The following ABCA10 variants were observed in gnomAD, a reference collection of about 807,000 sequenced individuals.
ABCA10 encodes ATP binding cassette subfamily A member 10.
Under a neutral mutation model 187.5 loss-of-function variants are expected in ABCA10, and 169 were observed. The ratio of observed to expected loss-of-function variants is 0.90; its 90% confidence interval spans 0.80 to 1.02. The LOEUF (loss-of-function observed/expected upper bound fraction) is 1.02, where lower values mean the gene tolerates loss of function less well. Among genes scored for constraint, ABCA10 ranks in the 50% least tolerant of loss-of-function variants. The probability of loss-of-function intolerance (pLI) is 0.00; values close to 1 mark genes in which losing one functional copy is unlikely to be tolerated. For missense variants in ABCA10, 1,727 were observed against 1,812.4 expected (o/e 0.95, Z 0.86); for synonymous variants, 574 against 601.8 (o/e 0.95, Z 0.68).
At chr17:69,151,165 T>C (rs558289966) in intron 36 of ABCA10, among the ~76,000 whole-genome samples, 8 of 152,310 alleles carry the variant, frequency 5.3e-5, no homozygotes, top group Admixed American at 1.3e-4. Context: ...ACACATCAAC[T>C]ACATGAGCTT....
At chr17:69,169,169 A>T (rs2074277039) in intron 25 of ABCA10, among the ~76,000 whole-genome samples, 1 of 152,216 alleles carries the variant, frequency 6.6e-6, no homozygotes, top group Non-Finnish European at 1.5e-5. Flanking sequence ...CTGAACCTCA[A>T]AAGAACTGAA....
chr17:69,192,948 A>AC (rs2074472051), intron 15 of ABCA10, among the ~76,000 whole-genome samples, 162 bp downstream of exon 15: 1 of 152,198 alleles, frequency 6.6e-6, no homozygotes, highest in African/African-American at 2.4e-5. Flanking sequence ...GCAGGGTTAC[A>AC]CCCCATGTGA....
At chr17:69,236,613 GAAAAT>G (rs2074873346) in intron 1 of ABCA10, among the ~76,000 whole-genome samples, 1 of 152,136 alleles carries the variant, frequency 6.6e-6, no homozygotes, top group Non-Finnish European at 1.5e-5. Context: ...AAAAACTACA[GAAAAT>G]AATTAAAACA....
chr17:69,188,554 A>G (rs1361811928), intron 18 of ABCA10, among the ~76,000 whole-genome samples: 1 of 151,160 alleles, frequency 6.6e-6, no homozygotes, highest in East Asian at 1.9e-4. Flanking sequence ...TACATGGGTA[A>G]ACTGTGTGTC....
chr17:69,220,368 T>C (rs2074738982), intron 5 of ABCA10, among the ~76,000 whole-genome samples: 1 of 152,106 alleles, frequency 6.6e-6, no homozygotes, highest in South Asian at 2.1e-4. Context: ...ATAAATAGAC[T>C]GTAGATAAGG....
In ABCA10 at chr17:69,204,218, C is replaced by T. The variant is rs2074572513; in HGVS notation, c.1007-2550G>A. On this transcript the variant is annotated intron_variant, in intron 9 of 38. Transcript: ENST00000690296. ...ATAATTTCTACATCACAGACTCCTA[C>T]TATGCACCAGCTCTGCCAAACAATT... Among the ~76,000 whole-genome samples, 2 of 152,228 alleles carry T rather than the reference C, an allele frequency of 1.3e-5. 1 individual carries two copies.
At chr17:69,168,139 T>C (rs1363907705) in intron 25 of ABCA10, among the ~76,000 whole-genome samples, 1 of 152,162 alleles carries the variant, frequency 6.6e-6, no homozygotes, top group East Asian at 1.9e-4. Context: ...CTTACTTTAT[T>C]GTGAGAATAC....
intron 5 of ABCA10, among the ~76,000 whole-genome samples, chr17:69,220,319 C>T (rs529531424): frequency 1.3e-5 from 2 of 151,926 alleles, no homozygotes; most frequent in African/African-American, 2.4e-5. Context: ...GTGTATAGTG[C>T]GTTGGAGCAC....
rs544264673 is a variant in ABCA10, at chr17:69,152,463, G to A, written c.4155C>T (p.Thr1385=). The A allele has an allele frequency of 3.1e-6, 5 of 1,613,446 alleles. No homozygotes were observed. In the South Asian group the frequency reaches 3.3e-5, roughly 11 times the overall value. Residue 1385 remains threonine, a synonymous_variant, in exon 35 of 39, where the codon ACC becomes ACT. Transcript: ENST00000690296. ...GGGTGCCCCTCTCCTTGTTTTTAAC[G>A]GTAGCCTGAAGTATCTGCCTAAAGA... ...QQQMWQILQA[T]VKNKERGTLL...
At chr17:69,178,992 G>T (rs960529189) in intron 22 of ABCA10, 2 of 151,972 alleles carry the variant, frequency 1.3e-5, no homozygotes, top group Admixed American at 1.3e-4. Context: ...CATTAATTTT[G>T]TCTAGATTTA....
At chr17:69,187,999 T>C in intron 18 of ABCA10, 120 bp from the exon 19 acceptor site, 1 of 845,266 alleles carries the variant, frequency 1.2e-6, no homozygotes, top group Non-Finnish European at 1.8e-6. Flanking sequence ...GCTACTGATA[T>C]CCATAATCAA....
chr17:69,215,727 T>A (rs771085842), intron 8 of ABCA10, 88 bp downstream of exon 8: 47 of 1,214,062 alleles, frequency 3.9e-5, no homozygotes, highest in Non-Finnish European at 5.0e-5. Flanking sequence ...GAGTGGCTGA[T>A]TATTAAATTT....
chr17:69,240,126 T>C (rs866545872), intron 1 of ABCA10, among the ~76,000 whole-genome samples: 1 of 152,178 alleles, frequency 6.6e-6, no homozygotes, highest in African/African-American at 2.4e-5. Context: ...ATGTTCTGCA[T>C]TGTTTGATCA....
chr17:69,195,597 G>T, intron 11 of ABCA10, among the ~76,000 whole-genome samples: 2 of 77,252 alleles, frequency 2.6e-5, no homozygotes, highest in Non-Finnish European at 5.0e-5. Context: ...ATTCTTGGGT[G>T]TTTCTCAGAG....
At chr17:69,225,203 T>G in intron 3 of ABCA10, 122 bp downstream of exon 3, 38 of 1,090,364 alleles carry the variant, frequency 3.5e-5, no homozygotes, top group Non-Finnish European at 4.4e-5. Flanking sequence ...GCATATATAA[T>G]GAGAATCTTT....
At position 69,182,835 on chromosome 17, in the gene ABCA10, GAAA is replaced by G. The variant is rs60708995; in HGVS notation, c.2498-30_2498-28del. On this transcript the variant is annotated intron_variant, in intron 20 of 38. Coordinates refer to ENST00000690296, the MANE Select transcript of ABCA10 (RefSeq NM_001377321.1). Reference sequence around the variant, plus strand: ...TAACATAGTGGAAGGAAGGCAACAAGAAAAAAAAAAAAAAAGCAAGAAAATCAA... The same window carrying G: ...TAACATAGTGGAAGGAAGGCAACAAGAAAAAAAAAAAAGCAAGAAAATCAA... The G allele has an allele frequency of 9.6e-3, 12,542 of 1,310,292 alleles. 103 individuals carry two copies. The Admixed American group carries it at 0.1, about 11-fold the overall frequency. The allele number at this position is 1,310,292 out of a possible 1,614,324, so 81.2% of individuals were successfully genotyped here. A position where few individuals can be genotyped will look rare whatever the true frequency, so the allele number is the denominator to read the frequency against.
chr17:69,196,846 A>G (rs973247897), intron 11 of ABCA10, among the ~76,000 whole-genome samples: 1 of 152,194 alleles, frequency 6.6e-6, no homozygotes, highest in African/African-American at 2.4e-5. Flanking sequence ...CCCCGTCTCC[A>G]CCAAAAAAAT....
At chr17:69,213,029 T>C (rs1365268674) in intron 9 of ABCA10, among the ~76,000 whole-genome samples, 1 of 152,238 alleles carries the variant, frequency 6.6e-6, no homozygotes, top group East Asian at 1.9e-4. Flanking sequence ...GCAGTGAAGT[T>C]GCCACGTGGA....
chr17:69,212,975 T>C (rs957960929), intron 9 of ABCA10, among the ~76,000 whole-genome samples: 1 of 152,256 alleles, frequency 6.6e-6, no homozygotes, highest in African/African-American at 2.4e-5. Context: ...TGTGAGGTAC[T>C]ATGCTATTCA....
Sources: allele counts gnomAD v4.1 joint callset (sites outside exome capture counted in the v4.1 genomes callset), GRCh38; gene constraint gnomAD v4.1.1; transcripts MANE v1.5; gene names NCBI Gene and HGNC (gene_info 2026-07-23, HGNC 2026-07-21).